The following PXDN variants were observed in gnomAD, a reference collection of about 807,000 sequenced individuals.
The protein encoded by PXDN is peroxidasin.
PXDN carries 77 observed loss-of-function variants against 140.3 expected under a neutral mutation model. The observed-to-expected ratio is 0.55, with a 90% CI of 0.46 to 0.66. The LOEUF (loss-of-function observed/expected upper bound fraction) is 0.66, where lower values mean the gene tolerates loss of function less well. Among genes scored for constraint, PXDN ranks in the 30% least tolerant of loss-of-function variants. PXDN has a pLI of 0.00. For missense variants in PXDN, 1,838 were observed against 2,039.5 expected, an observed-to-expected ratio of 0.90 and a Z score of 1.90; for synonymous variants, 911 against 857.4, an observed-to-expected ratio of 1.06 and a Z score of -1.09.
intron 7 of PXDN, 70 bp from the exon 8 acceptor site, chr2:1,677,114 C>A: frequency 7.5e-7 from 1 of 1,336,324 alleles, no homozygotes; most frequent in South Asian, 1.5e-5. Flanking sequence ...ACAACACACG[C>A]TGAGTTCTCT....
chr2:1,677,902 G>A (rs1221485744), intron 7 of PXDN, among the ~76,000 whole-genome samples: 1 of 152,244 alleles, frequency 6.6e-6, no homozygotes, highest in African/African-American at 2.4e-5. Context: ...CTGCAGTGGG[G>A]CGGACACAAG....
chr2:1,704,473 AG>A (rs10719082), intron 1 of PXDN, among the ~76,000 whole-genome samples: 2,324 of 22,430 alleles, frequency 0.1, 325 homozygotes, highest in African/African-American at 0.23. Flanking sequence ...CTCCAGGTGA[AG>A]GGGGGGGCAA....
intron 17 of PXDN, among the ~76,000 whole-genome samples, chr2:1,646,598 T>A (rs1682855403): frequency 2.0e-5 from 3 of 152,210 alleles, no homozygotes; most frequent in African/African-American, 7.2e-5. Context: ...GGACATCATG[T>A]TCATTTAGTC....
At chr2:1,694,214 T>C (rs1448197930) in intron 1 of PXDN, among the ~76,000 whole-genome samples, 1 of 152,160 alleles carries the variant, frequency 6.6e-6, no homozygotes, top group Non-Finnish European at 1.5e-5. Flanking sequence ...TCAGCCCCAG[T>C]GCCTCAGGTG....
Position 1,651,322 on chromosome 2 carries a change from G to A in PXDN, c.2105-1647C>T, listed in dbSNP as rs1303624036. Among the ~76,000 whole-genome samples, 1 of 152,164 alleles carries A rather than the reference G, an allele frequency of 6.6e-6. No individual in the cohort carries two copies. The highest frequency in any genetic ancestry group is 1.5e-5 in the Non-Finnish European group (1 of 68,030). ...CCGTGGCGTTGGCCATTGGTTCAGA[G>A]GCAGACCAGACCCGCCAACCAGAGC... On this transcript the variant is annotated intron_variant, in intron 16 of 22. Coordinates refer to ENST00000252804, the MANE Select transcript of PXDN (RefSeq NM_012293.3). The surrounding 1 kb of genome is among the most constrained non-coding windows in gnomAD (Gnocchi z 4.4).
chr2:1,721,539 C>G (rs1482918751), intron 1 of PXDN, among the ~76,000 whole-genome samples: 1 of 152,204 alleles, frequency 6.6e-6, no homozygotes, highest in Non-Finnish European at 1.5e-5. Context: ...TGTTGCTTTT[C>G]TAAAAGCCTC....
At position 1,726,434 on chromosome 2, in the gene PXDN, C is replaced by T. The variant is rs867957339; in HGVS notation, c.200+17822G>A. Among the ~76,000 whole-genome samples, 13 of 28,506 alleles carry T rather than the reference C, an allele frequency of 4.6e-4. No individual in the cohort carries two copies. The Admixed American group carries it at 4.7e-3, about 10-fold the overall frequency. 18.7% of individuals were successfully genotyped at this position (28,506 alleles called of 152,430 possible). ...CACACTCTGGGGACTGTTGTGGGGT[C>T]GGGGGAGGGGGGGAGGGATAGCTTT... On this transcript the variant is annotated intron_variant, in intron 1 of 22. Coordinates refer to ENST00000252804, the MANE Select transcript of PXDN (RefSeq NM_012293.3).
At chr2:1,728,769 G>A (rs561528039) in intron 1 of PXDN, among the ~76,000 whole-genome samples, 77 of 152,322 alleles carry the variant, frequency 5.1e-4, no homozygotes, top group African/African-American at 1.8e-3. Context: ...GCCACAGCTC[G>A]TTAACAATGT....
intron 3 of PXDN, among the ~76,000 whole-genome samples, chr2:1,691,040 G>T (rs1013686737): frequency 5.3e-5 from 8 of 152,162 alleles, no homozygotes; most frequent in South Asian, 2.1e-4. Context: ...AAGCACCATG[G>T]CACGTGTACC....
At position 1,662,164 on chromosome 2, in the gene PXDN, T is replaced by C. The variant is rs770334126; in HGVS notation, c.1588A>G (p.Ile530Val). 6.3e-7 allele frequency: 1 copy of C among 1,591,006 alleles called. No individual in the cohort carries two copies. The highest frequency in any genetic ancestry group is 2.3e-5 in the East Asian group (1 of 44,000). The change falls in exon 13 of 23, where the codon ATT becomes GTT. Residue 530 changes from isoleucine to valine, a missense_variant. Coordinates refer to ENST00000252804, the MANE Select transcript of PXDN (RefSeq NM_012293.3). ...ACCTCCACTGTTGTGTCGCTGGGAA[T>C]GCTGGCAAACACTGGGGTGACTGGA... Reference protein sequence around the residue: ...QPRVTPVFASIPSDTTVEVGA... With the variant: ...QPRVTPVFASVPSDTTVEVGA...
intron 21 of PXDN, among the ~76,000 whole-genome samples, chr2:1,637,300 G>A (rs1010382361): frequency 1.3e-5 from 2 of 152,228 alleles, no homozygotes; most frequent in African/African-American, 4.8e-5. Context: ...CCTAGTGCCA[G>A]GTGGAGCTGA....
At position 1,710,606 on chromosome 2, in the gene PXDN, CTCCACCAGCACCCA is replaced by C. The variant is rs1204206715; in HGVS notation, c.201-17486_201-17473del. On this transcript the variant is annotated intron_variant, in intron 1 of 22. Transcript: ENST00000252804. ...AGCACCCTCTCCACCAGCACCCACTCTCCACCAGCACCCACTCTCCACCAGCACCCACTCTATGA... is the reference window on the plus strand; with the variant it reads ...AGCACCCTCTCCACCAGCACCCACTCCTCTCCACCAGCACCCACTCTATGA... 1.7e-3 allele frequency among the ~76,000 whole-genome samples: 242 copies of C among 143,042 alleles called. 1 individual carries two copies. The highest frequency in any genetic ancestry group is 2.1e-3 in the African/African-American group (77 of 36,882). The allele number at this position is 143,042 out of a possible 152,430, so 93.8% of individuals were successfully genotyped here.
At chr2:1,642,039 T>C (rs1682739076) in intron 19 of PXDN, among the ~76,000 whole-genome samples, 2 of 152,166 alleles carry the variant, frequency 1.3e-5, no homozygotes, top group African/African-American at 4.8e-5. Flanking sequence ...AGATATAAGT[T>C]TCCAACAGAT....
At chr2:1,711,216 C>T (rs1684766153) in intron 1 of PXDN, among the ~76,000 whole-genome samples, 1 of 80,564 alleles carries the variant, frequency 1.2e-5, no homozygotes, top group Admixed American at 1.2e-4. Context: ...CCACCAGCAC[C>T]CACTCTCCAC....
At position 1,744,242 on chromosome 2, in the gene PXDN, C is replaced by T. The variant is rs544702948; in HGVS notation, c.200+14G>A. 7 of 1,478,170 alleles carry T rather than the reference C, an allele frequency of 4.7e-6. No individual in the cohort carries two copies. In the African/African-American group the frequency reaches 5.8e-5, roughly 12 times the overall value. The allele number at this position is 1,478,170 out of a possible 1,614,324, so 91.6% of individuals were successfully genotyped here. On this transcript the variant is annotated intron_variant, in intron 1 of 22. Transcript: ENST00000252804. ...CCCGGACCCCGCGCCCCCGGCGTCC[C>T]CCGCGGCACTCACAGGATGGAGGTC... is the stretch of plus-strand genomic sequence containing the variant.
In PXDN at chr2:1,685,515, C is replaced by A. The variant is rs368007596; in HGVS notation, c.417-1364G>T. Among the ~76,000 whole-genome samples the A allele has an allele frequency of 6.6e-6, 1 of 152,102 alleles. No homozygotes were observed. Among genetic ancestry groups the A allele is most frequent in the South Asian group, 2.1e-4 (1 of 4,826 alleles). On this transcript the variant is annotated intron_variant, in intron 4 of 22. Coordinates refer to ENST00000252804, the MANE Select transcript of PXDN (RefSeq NM_012293.3). This position sits in a 1 kb window ranked among gnomAD's most constrained non-coding sequence, Gnocchi z 5.1. ...CCGATGTAAGACCCAGGCACCACCA[C>A]GGCACAGTGGCTGTGAGCTGCTCAG...
intron 1 of PXDN, among the ~76,000 whole-genome samples, chr2:1,709,656 A>G (rs574420792): frequency 6.6e-6 from 1 of 152,288 alleles, no homozygotes; most frequent in East Asian, 1.9e-4. Flanking sequence ...GGCGGCTCCC[A>G]TCGGTCCTCC....
intron 3 of PXDN, among the ~76,000 whole-genome samples, chr2:1,689,875 T>G (rs1445916200): frequency 1.3e-5 from 2 of 152,172 alleles, no homozygotes; most frequent in African/African-American, 4.8e-5. Context: ...GAGTCCTAAC[T>G]GTCTCAAGAA....
chr2:1,727,221 C>T (rs1685207886), intron 1 of PXDN, among the ~76,000 whole-genome samples: 2 of 152,216 alleles, frequency 1.3e-5, no homozygotes, highest in Non-Finnish European at 2.9e-5. Flanking sequence ...GAACCGCCAC[C>T]GCCCCGTCAC....
Sources: allele counts gnomAD v4.1 joint callset (sites outside exome capture counted in the v4.1 genomes callset), GRCh38; gene constraint gnomAD v4.1.1; non-coding constraint Gnocchi (gnomAD v3.1); transcripts MANE v1.5; gene names NCBI Gene and HGNC (gene_info 2026-07-23, HGNC 2026-07-21).